The following FBXO44 variants were observed in gnomAD, a reference collection of about 807,000 sequenced individuals.
FBXO44 encodes F-box protein 44.
Under a neutral mutation model 33.5 loss-of-function variants are expected in FBXO44, and 25 were observed. That is an observed-to-expected ratio of 0.75 (90% CI 0.54 to 1.04). FBXO44 has a LOEUF of 1.04. Ranked by LOEUF, FBXO44 falls within the 50% of genes least tolerant of loss-of-function variation. FBXO44 has a pLI of 0.00. For missense variants in FBXO44, 311 were observed against 344.0 expected, an observed-to-expected ratio of 0.90 and a Z score of 0.76; for synonymous variants, 147 against 152.8, an observed-to-expected ratio of 0.96 and a Z score of 0.28.
Position 11,660,944 on chromosome 1 carries a change from A to AT in FBXO44, c.625-176dup, listed in dbSNP as rs911935226. On this transcript the variant is annotated intron_variant, in intron 5 of 5. Coordinates refer to ENST00000251547, the MANE Select transcript of FBXO44 (RefSeq NM_033182.7). ...AGGCACACACCACCATGCCTGGCTA[A>AT]TTTTTTTTTTCTTGTAGAGATGGTA... Among the ~76,000 whole-genome samples the AT allele has an allele frequency of 4.4e-4, 65 of 146,072 alleles. 1 individual carries two copies. Among genetic ancestry groups the AT allele is most frequent in the African/African-American group, 5.3e-4 (20 of 37,830 alleles).
intron 5 of FBXO44, among the ~76,000 whole-genome samples, chr1:11,660,671 C>G (rs995487887): frequency 2.0e-5 from 3 of 152,206 alleles, no homozygotes; most frequent in African/African-American, 4.8e-5. Context: ...CAAACTAGAA[C>G]TCCACTGATT....
At chr1:11,660,625 A>G (rs1008994832) in intron 5 of FBXO44, among the ~76,000 whole-genome samples, 1 of 152,200 alleles carries the variant, frequency 6.6e-6, no homozygotes, top group Non-Finnish European at 1.5e-5. Flanking sequence ...ACTGAAGCAC[A>G]GAGAAAGGAA....
At position 11,661,316 on chromosome 1, in the gene FBXO44, A is replaced by G. The variant is rs1640176456; in HGVS notation, c.*43A>G. 1.2e-6 allele frequency: 2 copies of G among 1,610,134 alleles called. No individual in the cohort carries two copies. The highest frequency in any genetic ancestry group is 1.7e-6 in the Non-Finnish European group (2 of 1,177,000). On this transcript the variant is annotated 3_prime_UTR_variant, in exon 6 of 6. Transcript: ENST00000251547. This position sits in a 1 kb window ranked among gnomAD's most constrained non-coding sequence, Gnocchi z 4.4. ...TCTGCTGAACCCTGACTGGTAAACA[A>G]CTGCTGTCAGAAAAGGGCTGGGCTT... is the stretch of plus-strand genomic sequence containing the variant.
Position 11,658,759 on chromosome 1 carries a change from G to A in FBXO44, c.512G>A (p.Gly171Glu). The A allele has an allele frequency of 6.2e-7, 1 of 1,614,032 alleles. No homozygotes were observed. Among genetic ancestry groups the A allele is most frequent in the Non-Finnish European group, 8.5e-7 (1 of 1,179,982 alleles). The change falls in exon 5 of 6, where the codon GGG becomes GAG. Residue 171 changes from glycine (G) to glutamate (E), a missense_variant. Transcript: ENST00000251547. ...KDWFAARPDC[G>E]SKYQLCVQLL... is the part of the protein sequence containing the mutation. Reference sequence around the variant, plus strand: ...AGGTTCGCAGCCAGGCCAGATTGCGGGTCCAAGTACCAGCTGTGCGTTCAG... The same window carrying A: ...AGGTTCGCAGCCAGGCCAGATTGCGAGTCCAAGTACCAGCTGTGCGTTCAG...
chr1:11,658,829 C>T lies in FBXO44; in HGVS notation c.582C>T (p.Asp194=), dbSNP rs907478811. 2 of 1,612,514 alleles carry T rather than the reference C, an allele frequency of 1.2e-6. No individual in the cohort carries two copies. Among genetic ancestry groups the T allele is most frequent in the Non-Finnish European group, 1.7e-6 (2 of 1,179,998 alleles). The part of the protein sequence containing the change: ...AHAPLGTFQP[D]PATIQQKSDA... ...CGCCTCTGGGGACCTTCCAGCCAGACCCGGCGACCATCCAGCAGAAGAGCG... is the reference window on the plus strand; with the variant it reads ...CGCCTCTGGGGACCTTCCAGCCAGATCCGGCGACCATCCAGCAGAAGAGCG... Residue 194 remains aspartate (D), a synonymous_variant, in exon 5 of 6, where the codon GAC becomes GAT. Coordinates refer to ENST00000251547, the MANE Select transcript of FBXO44 (RefSeq NM_033182.7).
intron 2 of FBXO44, among the ~76,000 whole-genome samples, chr1:11,657,533 A>C (rs1287060294): frequency 6.6e-6 from 1 of 152,220 alleles, no homozygotes; most frequent in Non-Finnish European, 1.5e-5. Context: ...TGAGGTCAGG[A>C]GATCGAGACC....
chr1:11,661,371 C>T lies in FBXO44; in HGVS notation c.*98C>T. The T allele has an allele frequency of 1.3e-6, 2 of 1,556,806 alleles. No individual in the cohort carries two copies. Among genetic ancestry groups the T allele is most frequent in the Non-Finnish European group, 8.8e-7 (1 of 1,140,692 alleles). On this transcript the variant is annotated 3_prime_UTR_variant, in exon 6 of 6. Transcript: ENST00000251547. The surrounding 1 kb of genome is among the most constrained non-coding windows in gnomAD (Gnocchi z 4.4). ...AGGGGAGGTGGAGGCCAGGTGTCCC[C>T]AGACCTCTAACCCTTGCCCCTAGCA...
chr1:11,655,731 G>T (rs1327492640), intron 1 of FBXO44, 75 bp from the exon 2 acceptor site: 2 of 1,480,312 alleles, frequency 1.4e-6, no homozygotes, highest in Non-Finnish European at 1.8e-6. Flanking sequence ...AAGGAAACAG[G>T]CTGGGAGAGG....
At chr1:11,657,234 C>A (rs188847182) in intron 2 of FBXO44, among the ~76,000 whole-genome samples, 1 of 152,200 alleles carries the variant, frequency 6.6e-6, no homozygotes, top group Non-Finnish European at 1.5e-5. Flanking sequence ...AAAAACTATA[C>A]AATAGAGATA....
chr1:11,661,395 C>CAGCCTCTTCTTTGTGG lies in FBXO44; in HGVS notation c.*130_*145dup. The CAGCCTCTTCTTTGTGG allele has an allele frequency of 1.0e-5, 15 of 1,429,368 alleles. No individual in the cohort carries two copies. The highest frequency in any genetic ancestry group is 1.3e-5 in the Non-Finnish European group (14 of 1,051,588). 88.5% of individuals were successfully genotyped at this position (1,429,368 alleles called of 1,614,324 possible). A position where few individuals can be genotyped will look rare whatever the true frequency, so the allele number is the denominator to read the frequency against. ...CCAGACCTCTAACCCTTGCCCCTAG[C>CAGCCTCTTCTTTGTGG]AGCCTCTTCTTTGTGGAGCCTCTCA... On this transcript the variant is annotated 3_prime_UTR_variant, in exon 6 of 6. Transcript: ENST00000251547. This position sits in a 1 kb window ranked among gnomAD's most constrained non-coding sequence, Gnocchi z 4.4.
At chr1:11,659,193 G>A (rs1054566053) in intron 5 of FBXO44, among the ~76,000 whole-genome samples, 6 of 152,214 alleles carry the variant, frequency 3.9e-5, no homozygotes, top group African/African-American at 7.2e-5. Context: ...TTCGAGACCA[G>A]CCTGACCAAC....
intron 1 of FBXO44, 135 bp from the exon 2 acceptor site, chr1:11,655,671 T>A: frequency 1.2e-6 from 1 of 848,994 alleles, no homozygotes; most frequent in East Asian, 2.7e-5. Flanking sequence ...TGTCCCAAGC[T>A]CCTTGGACCG....
chr1:11,661,437 C>A lies in FBXO44; in HGVS notation c.*164C>A, dbSNP rs948973741. The stretch of plus-strand genomic sequence containing the variant: ...AGCCTCTCAGTGTGGGCAGCCCTCG[C>A]ATGCTGGGGTCGGGCCAGCTCTCCC... On this transcript the variant is annotated 3_prime_UTR_variant, in exon 6 of 6. Coordinates refer to ENST00000251547, the MANE Select transcript of FBXO44 (RefSeq NM_033182.7). The surrounding 1 kb of genome is among the most constrained non-coding windows in gnomAD (Gnocchi z 4.4). The A allele has an allele frequency of 1.7e-5, 18 of 1,070,620 alleles. No individual in the cohort carries two copies. The highest frequency in any genetic ancestry group is 2.2e-5 in the Non-Finnish European group (17 of 755,626). 66.3% of individuals were successfully genotyped at this position (1,070,620 alleles called of 1,614,324 possible). A position where few individuals can be genotyped will look rare whatever the true frequency, so the allele number is the denominator to read the frequency against.
intron 2 of FBXO44, 116 bp from the exon 3 acceptor site, chr1:11,658,151 A>C: frequency 3.9e-6 from 6 of 1,548,322 alleles, no homozygotes; most frequent in Non-Finnish European, 4.4e-6. Context: ...GTCCCACAGC[A>C]CAGGGCTTGA....
chr1:11,658,712 G>C (rs369457346), intron 4 of FBXO44, 24 bp from the exon 5 acceptor site: 3 of 1,613,310 alleles, frequency 1.9e-6, no homozygotes, highest in South Asian at 1.1e-5. Flanking sequence ...CCGAGGCCCT[G>C]ATGGGCCCTC....
At chr1:11,657,469 G>C (rs1570240819) in intron 2 of FBXO44, among the ~76,000 whole-genome samples, 1 of 152,322 alleles carries the variant, frequency 6.6e-6, no homozygotes, top group East Asian at 1.9e-4. Flanking sequence ...GCTGGGTGCA[G>C]TGGCTCACAC....
At chr1:11,659,059 T>C (rs1405016152) in intron 5 of FBXO44, among the ~76,000 whole-genome samples, 188 bp downstream of exon 5, 1 of 152,160 alleles carries the variant, frequency 6.6e-6, no homozygotes, top group Non-Finnish European at 1.5e-5. Context: ...AAGAAATCAG[T>C]GAAATGATGC....
At chr1:11,654,771 C>A, upstream of FBXO44, 1 of 156,490 alleles carries the variant, frequency 6.4e-6, no homozygotes, top group South Asian at 1.9e-4. Flanking sequence ...CCCCCCACAC[C>A]AGGTAATTTT....
chr1:11,656,110 A>G lies in FBXO44; in HGVS notation c.265+10A>G, dbSNP rs1344675312. 3 of 1,612,016 alleles carry G rather than the reference A, an allele frequency of 1.9e-6. No homozygotes were observed. Among genetic ancestry groups the G allele is most frequent in the Admixed American group, 1.7e-5 (1 of 59,960 alleles). Reference sequence around the variant, plus strand: ...AACCCGTGCGCTGAAGGTGGGGTACAGGCCGGGTCTGGCATGCCTCCAGTA... The same window carrying G: ...AACCCGTGCGCTGAAGGTGGGGTACGGGCCGGGTCTGGCATGCCTCCAGTA... On this transcript the variant is annotated intron_variant, in intron 2 of 5. Coordinates refer to ENST00000251547, the MANE Select transcript of FBXO44 (RefSeq NM_033182.7).
Sources: gnomAD v4.1 joint callset for allele counts (sites outside exome capture counted in the v4.1 genomes callset) on GRCh38, gnomAD v4.1.1 for gene constraint, Gnocchi (gnomAD v3.1) non-coding constraint, MANE v1.5 for transcripts, NCBI Gene and HGNC (gene_info 2026-07-23, HGNC 2026-07-21) for gene names.